Variants in VNN1 observed in about 807,000 individuals in gnomAD.
VNN1 encodes vanin 1.
VNN1 carries 29 observed loss-of-function variants against 41.9 expected under a neutral mutation model. The observed-to-expected ratio is 0.69, with a 90% CI of 0.52 to 0.94. VNN1 has a LOEUF of 0.94. VNN1 is among the 40% of genes least tolerant of loss of function. VNN1 has a pLI of 0.00. For missense variants in VNN1, 637 were observed against 621.1 expected (o/e 1.03, Z -0.27); for synonymous variants, 233 against 224.4 (o/e 1.04, Z -0.34).
intron 2 of VNN1, among the ~76,000 whole-genome samples, chr6:132,708,322 C>T (rs894018838): frequency 1.2e-4 from 19 of 152,102 alleles, no homozygotes; most frequent in Admixed American, 1.0e-3. Context: ...TTCCTCTATT[C>T]ATATGGGTTC....
chr6:132,692,517 T>G lies in VNN1; in HGVS notation c.894A>C (p.Lys298Asn), dbSNP rs868848372. The stretch of plus-strand genomic sequence containing the variant: ...GGGAATCCAGTTGCGAGAGGAGGAG[T>G]TTTCCCTCTTCTGTCTTCATATCAT... Reference protein sequence around the residue: ...FHYDMKTEEGKLLLSQLDSHP... With the variant: ...FHYDMKTEEGNLLLSQLDSHP... Residue 298 changes from lysine (K) to asparagine (N), a missense_variant, in exon 5 of 7, where the codon AAA becomes AAC. Coordinates refer to ENST00000367928, the MANE Select transcript of VNN1 (RefSeq NM_004666.3). 10 of 1,611,650 alleles carry G rather than the reference T, an allele frequency of 6.2e-6. No individual in the cohort carries two copies. The African/African-American group carries it at 1.2e-4, about 19-fold the overall frequency.
intron 2 of VNN1, among the ~76,000 whole-genome samples, chr6:132,697,183 G>A (rs1050935641): frequency 1.3e-5 from 2 of 151,934 alleles, no homozygotes; most frequent in African/African-American, 4.8e-5. Flanking sequence ...AAGGAAGGAT[G>A]GATATTGAGC....
chr6:132,698,388 A>T (rs2206566), intron 2 of VNN1, among the ~76,000 whole-genome samples: 2 of 152,228 alleles, frequency 1.3e-5, no homozygotes, highest in Middle Eastern at 3.2e-3. Context: ...AAAGCACTAT[A>T]TTGGACATGT....
intron 2 of VNN1, among the ~76,000 whole-genome samples, chr6:132,707,818 G>A (rs1287170810): frequency 6.6e-6 from 1 of 152,084 alleles, no homozygotes; most frequent in Non-Finnish European, 1.5e-5. Context: ...GGAGATTAAT[G>A]GGTACAAAAA....
chr6:132,688,973 C>T (rs892138333), intron 5 of VNN1, among the ~76,000 whole-genome samples: 1 of 152,188 alleles, frequency 6.6e-6, no homozygotes, highest in Non-Finnish European at 1.5e-5. Flanking sequence ...ACTGCAACCT[C>T]TATCTCCCAG....
chr6:132,699,026 CT>C (rs1193942613), intron 2 of VNN1: 5 of 213,700 alleles, frequency 2.3e-5, no homozygotes, highest in Non-Finnish European at 4.1e-5. Flanking sequence ...GGACAGATTC[CT>C]GTGTTAAATG....
chr6:132,683,433 C>T, intron 6 of VNN1, 111 bp from the exon 7 acceptor site: 1 of 1,122,972 alleles, frequency 8.9e-7, no homozygotes, highest in Non-Finnish European at 1.3e-6. Flanking sequence ...TGGCCAAATT[C>T]CATTCTATCA....
chr6:132,689,186 C>T (rs1045484197), intron 5 of VNN1, among the ~76,000 whole-genome samples: 2 of 152,012 alleles, frequency 1.3e-5, no homozygotes, highest in African/African-American at 4.8e-5. Flanking sequence ...GACCTGATTC[C>T]TCTCATATTT....
In VNN1 at chr6:132,683,050, T is replaced by G; in HGVS notation, c.*90A>C. 8.6e-7 allele frequency: 1 copy of G among 1,159,132 alleles called. No homozygotes were observed. Among genetic ancestry groups the G allele is most frequent in the Non-Finnish European group, 1.2e-6 (1 of 835,672 alleles). The allele number at this position is 1,159,132 out of a possible 1,614,324, so 71.8% of individuals were successfully genotyped here. ...AGAGAAACTAGTAATTCACTTATACTAGAGGATAATATTAACCCGGACCAA... is the reference window on the plus strand; with the variant it reads ...AGAGAAACTAGTAATTCACTTATACGAGAGGATAATATTAACCCGGACCAA... On this transcript the variant is annotated 3_prime_UTR_variant, in exon 7 of 7. Transcript: ENST00000367928.
chr6:132,694,974 G>A (rs892404591), intron 2 of VNN1, among the ~76,000 whole-genome samples: 2 of 152,094 alleles, frequency 1.3e-5, no homozygotes, highest in African/African-American at 2.4e-5. Flanking sequence ...CCAACATGAA[G>A]AAACCCCGTC....
intron 6 of VNN1, among the ~76,000 whole-genome samples, chr6:132,683,598 C>A (rs1778162150): frequency 6.6e-6 from 1 of 152,192 alleles, no homozygotes; most frequent in Non-Finnish European, 1.5e-5. Context: ...GTGGATTTGG[C>A]AGTATACAGA....
intron 2 of VNN1, chr6:132,699,197 G>T (rs544838308): frequency 5.6e-6 from 2 of 359,756 alleles, no homozygotes; most frequent in South Asian, 5.4e-5. Flanking sequence ...GGAAAAGATT[G>T]CATTGGAGAA....
chr6:132,704,176 A>T (rs1431356925), intron 2 of VNN1, among the ~76,000 whole-genome samples: 1 of 152,124 alleles, frequency 6.6e-6, no homozygotes, highest in South Asian at 2.1e-4. Flanking sequence ...AAATAAAGAA[A>T]CATTGGACTT....
rs201819180 is a variant in VNN1 at position 132,694,108 on chromosome 6, A to T, written c.416T>A (p.Ile139Asn). ...GGTATCGCATGGCTTCTTGTCCCCA[A>T]TATTTGCCACAACATAGATAGAGTT... is the stretch of plus-strand genomic sequence containing the variant. ...KNNSIYVVAN[I>N]GDKKPCDTSD... The change falls in exon 3 of 7, where the codon ATT (isoleucine) becomes AAT (asparagine). Residue 139 changes from isoleucine to asparagine, a missense_variant. By Grantham distance (149) the Ile-to-Asn change is moderately radical. Coordinates refer to ENST00000367928, the MANE Select transcript of VNN1 (RefSeq NM_004666.3). 1 of 1,614,130 alleles carries T rather than the reference A, an allele frequency of 6.2e-7. No homozygotes were observed.
rs746742784 is a variant in VNN1 at position 132,692,367 on chromosome 6, T to C, written c.1044A>G (p.Thr348=). ...AAACTGTATAATTTCCTGCAACTCCTGTGAGCTTCACAAAAGTGAATTCAT... is the reference window on the plus strand; with the variant it reads ...AAACTGTATAATTTCCTGCAACTCCCGTGAGCTTCACAAAAGTGAATTCAT... ...FFDEFTFVKL[T]GVAGNYTVCQ... is the part of the protein sequence containing the mutation. The change falls in exon 5 of 7, where the codon ACA becomes ACG. Residue 348 remains threonine, a synonymous_variant. Transcript: ENST00000367928. The C allele has an allele frequency of 6.2e-7, 1 of 1,614,224 alleles. No homozygotes were observed. The highest frequency in any genetic ancestry group is 8.5e-7 in the Non-Finnish European group (1 of 1,180,034).
intron 3 of VNN1, among the ~76,000 whole-genome samples, 167 bp downstream of exon 3, chr6:132,693,823 C>T (rs12665089): frequency 0.045 from 6,922 of 152,294 alleles, 352 homozygotes; most frequent in South Asian, 0.14. Context: ...ACACGGAACC[C>T]CTTAAGCCTC....
Position 132,692,514 on chromosome 6 carries a change from G to T in VNN1, c.897C>A (p.Leu299=). The T allele has an allele frequency of 6.2e-7, 1 of 1,612,290 alleles. No individual in the cohort carries two copies. Among genetic ancestry groups the T allele is most frequent in the Non-Finnish European group, 8.5e-7 (1 of 1,179,968 alleles). The change falls in exon 5 of 7, where the codon CTC becomes CTA. Residue 299 remains leucine, a synonymous_variant. Coordinates refer to ENST00000367928, the MANE Select transcript of VNN1 (RefSeq NM_004666.3). ...GGTGGGAATCCAGTTGCGAGAGGAG[G>T]AGTTTTCCCTCTTCTGTCTTCATAT... ...HYDMKTEEGK[L]LLSQLDSHPS... is the part of the protein sequence containing the mutation.
rs982650317 is a variant in VNN1, at chr6:132,683,075, A to G, written c.*65T>C. 2 of 1,467,608 alleles carry G rather than the reference A, an allele frequency of 1.4e-6. No individual in the cohort carries two copies. Among genetic ancestry groups the G allele is most frequent in the Non-Finnish European group, 9.2e-7 (1 of 1,085,274 alleles). 90.9% of individuals were successfully genotyped at this position (1,467,608 alleles called of 1,614,324 possible). A position where few individuals can be genotyped will look rare whatever the true frequency, so the allele number is the denominator to read the frequency against. ...TAGAGGATAATATTAACCCGGACCA[A>G]TCTTTCTTTTCTCATCCATCATTTT... On this transcript the variant is annotated 3_prime_UTR_variant, in exon 7 of 7. Transcript: ENST00000367928.
intron 3 of VNN1, 86 bp from the exon 4 acceptor site, chr6:132,693,401 A>T: frequency 7.7e-7 from 1 of 1,292,052 alleles, no homozygotes; most frequent in Non-Finnish European, 1.0e-6. Flanking sequence ...ACAAGCTCAC[A>T]TCTTAGTGCC....
Sources: gnomAD v4.1 joint callset for allele counts (sites outside exome capture counted in the v4.1 genomes callset) on GRCh38, gnomAD v4.1.1 for gene constraint, MANE v1.5 for transcripts, NCBI Gene and HGNC (gene_info 2026-07-23, HGNC 2026-07-21) for gene names.